Variants in GALNT17 observed in about 807,000 individuals in gnomAD.
GALNT17 encodes polypeptide N-acetylgalactosaminyltransferase 17.
GALNT17 carries 29 observed loss-of-function variants against 63.7 expected under a neutral mutation model. The ratio of observed to expected loss-of-function variants is 0.46; its 90% confidence interval spans 0.34 to 0.62. The LOEUF (loss-of-function observed/expected upper bound fraction) is 0.62, where lower values mean the gene tolerates loss of function less well. Ranked by LOEUF, GALNT17 falls within the 20% of genes least tolerant of loss-of-function variation. GALNT17 has a pLI of 0.01. For synonymous variants in GALNT17, 305 were observed against 318.3 expected, an observed-to-expected ratio of 0.96 and a Z score of 0.45; for missense variants, 603 against 799.6, an observed-to-expected ratio of 0.75 and a Z score of 2.97.
intron 1 of GALNT17, among the ~76,000 whole-genome samples, chr7:71,179,248 A>C (rs1292528019): frequency 6.6e-6 from 1 of 152,208 alleles, no homozygotes; most frequent in Admixed American, 6.5e-5. Context: ...ACTCAAAAGA[A>C]TGCAACCATT....
intron 1 of GALNT17, among the ~76,000 whole-genome samples, chr7:71,227,476 A>G (rs1221120332): frequency 1.3e-5 from 2 of 152,110 alleles, no homozygotes; most frequent in South Asian, 2.1e-4. Context: ...CAGCCGTCCA[A>G]AAGCATTTCT....
intron 9 of GALNT17, among the ~76,000 whole-genome samples, chr7:71,693,263 TACACAC>T (rs761584365): frequency 0.033 from 3,609 of 108,828 alleles, 302 homozygotes; most frequent in East Asian, 0.18. Context: ...CACACACACA[TACACAC>T]ACACACACAC....
chr7:71,446,729 A>G (rs943369302), intron 5 of GALNT17, among the ~76,000 whole-genome samples: 1 of 152,070 alleles, frequency 6.6e-6, no homozygotes, highest in African/African-American at 2.4e-5. Context: ...TTGTATTTTT[A>G]GTAGAGACAG....
rs1790218122 is a variant in GALNT17 at position 71,616,928 on chromosome 7, T to A, written c.1080+45526T>A. 3.4e-5 allele frequency among the ~76,000 whole-genome samples: 5 copies of A among 145,294 alleles called. No homozygotes were observed. In the South Asian group the frequency reaches 8.5e-4, roughly 25 times the overall value. On this transcript the variant is annotated intron_variant, in intron 6 of 10. Transcript: ENST00000333538. The stretch of plus-strand genomic sequence containing the variant: ...TAAGAATCATATTAAGAATAAATAA[T>A]TATTATATCATATGGTTAATAATTA...
At position 71,132,483 on chromosome 7, in the gene GALNT17, C is replaced by T. The variant is rs2116124991; in HGVS notation, c.-320C>T. The T allele has an allele frequency of 4.0e-6, 1 of 252,070 alleles. No individual in the cohort carries two copies. The highest frequency in any genetic ancestry group is 7.5e-6 in the Non-Finnish European group (1 of 132,612). The allele number at this position is 252,070 out of a possible 1,614,324, so 15.6% of individuals were successfully genotyped here. ...TAGAGGTCCAGAGGCGAACCACTTG[C>T]TGGTGCAGAAGAGAAACCCTCAAAT... On this transcript the variant is annotated 5_prime_UTR_variant, in exon 1 of 11. Transcript: ENST00000333538.
chr7:71,215,997 C>T (rs551601862), intron 1 of GALNT17, among the ~76,000 whole-genome samples: 1 of 151,886 alleles, frequency 6.6e-6, no homozygotes, highest in African/African-American at 2.4e-5. Flanking sequence ...TTGCTTGACC[C>T]CAGGAGTTTA....
intron 1 of GALNT17, among the ~76,000 whole-genome samples, chr7:71,266,228 T>C (rs947860767): frequency 6.6e-6 from 1 of 152,134 alleles, no homozygotes; most frequent in Non-Finnish European, 1.5e-5. Context: ...TGAGCCTTAA[T>C]TTACTCACAT....
chr7:71,367,288 T>G (rs1792530716), intron 2 of GALNT17, among the ~76,000 whole-genome samples: 1 of 152,128 alleles, frequency 6.6e-6, no homozygotes, highest in East Asian at 1.9e-4. Flanking sequence ...GGTGTTAGCC[T>G]GAGGATAAAC....
intron 6 of GALNT17, among the ~76,000 whole-genome samples, chr7:71,626,995 C>T (rs1344727234): frequency 1.3e-5 from 2 of 152,214 alleles, no homozygotes; most frequent in Non-Finnish European, 2.9e-5. Flanking sequence ...CTTCCAGTCA[C>T]TTGTGACCTC....
chr7:71,152,000 A>G (rs1247389013), intron 1 of GALNT17, among the ~76,000 whole-genome samples: 1 of 152,204 alleles, frequency 6.6e-6, no homozygotes, highest in Non-Finnish European at 1.5e-5. Flanking sequence ...ATGCATTCAC[A>G]AGATAAAAAT....
intron 3 of GALNT17, among the ~76,000 whole-genome samples, chr7:71,399,558 TG>T (rs1384108028): frequency 3.3e-5 from 5 of 152,330 alleles, no homozygotes; most frequent in African/African-American, 1.2e-4. Flanking sequence ...TTATGGTTTT[TG>T]TTGTTGCTGT....
rs138406922 is a variant in GALNT17, at chr7:71,255,708, G to A, written c.239-79842G>A. Among the ~76,000 whole-genome samples the A allele has an allele frequency of 1.9e-4, 29 of 152,274 alleles. No homozygotes were observed. In the East Asian group the frequency reaches 5.2e-3, roughly 27 times the overall value. The stretch of plus-strand genomic sequence containing the variant: ...GGGAAAGTAGCTCTTAAATGGAAAC[G>A]TACAGGTTGCCTGGGGCTTTTTCAG... On this transcript the variant is annotated intron_variant, in intron 1 of 10. Transcript: ENST00000333538.
chr7:71,152,015 T>C (rs909778158), intron 1 of GALNT17, among the ~76,000 whole-genome samples: 9 of 152,052 alleles, frequency 5.9e-5, no homozygotes, highest in Admixed American at 1.3e-4. Context: ...AAAAATGGAG[T>C]TCGGGGAAGA....
chr7:71,451,888 T>G (rs978997862), intron 5 of GALNT17, among the ~76,000 whole-genome samples: 12 of 151,582 alleles, frequency 7.9e-5, no homozygotes, highest in Non-Finnish European at 1.5e-4. Flanking sequence ...CGAATTGTGG[T>G]TTTTTTTGTT....
chr7:71,521,208 G>A (rs1306499668), intron 5 of GALNT17, among the ~76,000 whole-genome samples: 9 of 152,136 alleles, frequency 5.9e-5, no homozygotes, highest in Admixed American at 6.5e-5. Flanking sequence ...CTAAGGCATG[G>A]ATGCTCAGAT....
At chr7:71,185,819 T>C (rs76038054) in intron 1 of GALNT17, among the ~76,000 whole-genome samples, 8,232 of 152,254 alleles carry the variant, frequency 0.054, 708 homozygotes, top group African/African-American at 0.19. Context: ...CATTCTGTAA[T>C]TTTCTACAAC....
At chr7:71,449,108 C>CTTTTTTTTTTTGTTTTT (rs1787211633) in intron 5 of GALNT17, among the ~76,000 whole-genome samples, 1 of 72,754 alleles carries the variant, frequency 1.4e-5, no homozygotes, top group Non-Finnish European at 2.3e-5. Flanking sequence ...TGCCTATTTT[C>CTTTTTTTTTTTGTTTTT]TTTTTTTTTT....
chr7:71,603,086 GTACTATGCTAAGTGCATATACCAGA>G (rs1273827554), intron 6 of GALNT17, among the ~76,000 whole-genome samples: 19 of 150,274 alleles, frequency 1.3e-4, no homozygotes, highest in Non-Finnish European at 1.8e-4. Flanking sequence ...CATACACCAG[GTACTATGCTAAGTGCATATACCAGA>G]TACTATGCTA....
intron 5 of GALNT17, among the ~76,000 whole-genome samples, chr7:71,466,704 A>G (rs188945682): frequency 6.8e-4 from 104 of 152,172 alleles, no homozygotes; most frequent in African/African-American, 2.2e-3. Flanking sequence ...CCTCATCTTG[A>G]CTCAAGCATT....
Sources: allele counts gnomAD v4.1 joint callset (sites outside exome capture counted in the v4.1 genomes callset), GRCh38; gene constraint gnomAD v4.1.1; transcripts MANE v1.5; gene names NCBI Gene and HGNC (gene_info 2026-07-23, HGNC 2026-07-21).